Variants in ARNT2 observed in about 807,000 individuals in gnomAD.
ARNT2 encodes the protein aryl hydrocarbon receptor nuclear translocator 2.
In ARNT2, 36 loss-of-function variants were observed where a neutral mutation model predicts 91.7. The observed-to-expected ratio is 0.39, with a 90% CI of 0.30 to 0.52. The LOEUF is 0.52. Among genes scored for constraint, ARNT2 ranks in the 20% least tolerant of loss-of-function variants. ARNT2 has a pLI of 0.72. For synonymous variants in ARNT2, 365 were observed against 347.1 expected, an observed-to-expected ratio of 1.05 and a Z score of -0.57; for missense variants, 775 against 939.3, an observed-to-expected ratio of 0.83 and a Z score of 2.29.
intron 5 of ARNT2, among the ~76,000 whole-genome samples, chr15:80,501,695 G>A (rs566682171): frequency 2.6e-5 from 4 of 152,328 alleles, no homozygotes; most frequent in African/African-American, 9.6e-5. Context: ...CCGGGAGCCT[G>A]CCAGTCACTT....
chr15:80,525,322 T>A (rs1441191757), intron 8 of ARNT2, among the ~76,000 whole-genome samples: 6 of 152,200 alleles, frequency 3.9e-5, no homozygotes, highest in African/African-American at 1.4e-4. Flanking sequence ...ACAGGATACC[T>A]AGCTATGCCA....
intron 1 of ARNT2, among the ~76,000 whole-genome samples, chr15:80,407,186 G>T (rs987319197): frequency 2.6e-5 from 4 of 152,166 alleles, no homozygotes; most frequent in Non-Finnish European, 5.9e-5. Context: ...CTGCTAGTTC[G>T]TGTCCAGGGT....
intron 15 of ARNT2, among the ~76,000 whole-genome samples, chr15:80,577,961 A>C (rs950195885): frequency 2.0e-5 from 3 of 152,196 alleles, no homozygotes; most frequent in Non-Finnish European, 4.4e-5. Flanking sequence ...CTCTGTGAGC[A>C]GTCCCTAACC....
intron 3 of ARNT2, among the ~76,000 whole-genome samples, chr15:80,458,474 G>T (rs1896509484): frequency 1.3e-5 from 2 of 152,068 alleles, no homozygotes; most frequent in Non-Finnish European, 2.9e-5. Context: ...CTGGATGCAG[G>T]ATAGAAAACT....
intron 1 of ARNT2, among the ~76,000 whole-genome samples, chr15:80,447,816 A>G (rs983671589): frequency 5.4e-4 from 82 of 152,332 alleles, no homozygotes; most frequent in African/African-American, 1.9e-3. Flanking sequence ...TTTAAAGTCA[A>G]TGTTAGTCTC....
intron 1 of ARNT2, among the ~76,000 whole-genome samples, chr15:80,434,820 G>A (rs1275806549): frequency 6.6e-6 from 1 of 152,064 alleles, no homozygotes; most frequent in Non-Finnish European, 1.5e-5. Flanking sequence ...TAAAGATAAA[G>A]CCAGGAGCTC....
intron 1 of ARNT2, chr15:80,441,222 G>A: frequency 1.0e-6 from 1 of 985,328 alleles, no homozygotes; most frequent in Non-Finnish European, 1.2e-6. Flanking sequence ...CCACAGTTAA[G>A]GTAAACAGAT....
intron 8 of ARNT2, among the ~76,000 whole-genome samples, chr15:80,525,895 T>C (rs918525053): frequency 6.6e-6 from 1 of 152,136 alleles, no homozygotes; most frequent in African/African-American, 2.4e-5. Context: ...ATAACTTGGT[T>C]AGGAAGTATG....
At chr15:80,447,966 C>T (rs1228306023) in intron 1 of ARNT2, among the ~76,000 whole-genome samples, 3 of 152,150 alleles carry the variant, frequency 2.0e-5, no homozygotes, top group African/African-American at 7.2e-5. Context: ...ACAACAGAAA[C>T]AGTGTCTGTC....
chr15:80,596,551 G>T lies in ARNT2; in HGVS notation c.*2853G>T, dbSNP rs756365291. 4 of 152,134 alleles carry T rather than the reference G, an allele frequency of 2.6e-5. No individual in the cohort carries two copies. Among genetic ancestry groups the T allele is most frequent in the African/African-American group, 9.7e-5 (4 of 41,374 alleles). 9.4% of individuals were successfully genotyped at this position (152,134 alleles called of 1,614,324 possible). On this transcript the variant is annotated 3_prime_UTR_variant, in exon 19 of 19. Coordinates refer to ENST00000303329, the MANE Select transcript of ARNT2 (RefSeq NM_014862.4). ...CAAAAGAGCCTCCCATGCCAGTACC[G>T]CCCAGCCTTGGAGGCCGGAATGCTC... is the stretch of plus-strand genomic sequence containing the variant.
chr15:80,469,033 T>G (rs1249290942), intron 3 of ARNT2, among the ~76,000 whole-genome samples: 1 of 152,220 alleles, frequency 6.6e-6, no homozygotes, highest in Non-Finnish European at 1.5e-5. Flanking sequence ...GCCTGAGTTG[T>G]TTTTTTCTTG....
At chr15:80,493,065 G>T (rs1360017972) in intron 5 of ARNT2, among the ~76,000 whole-genome samples, 1 of 152,218 alleles carries the variant, frequency 6.6e-6, no homozygotes, top group Non-Finnish European at 1.5e-5. Flanking sequence ...TCTGACATCT[G>T]GCAGGGGCCC....
intron 8 of ARNT2, among the ~76,000 whole-genome samples, chr15:80,549,202 C>T (rs1052178212): frequency 6.6e-6 from 1 of 151,996 alleles, no homozygotes; most frequent in African/African-American, 2.4e-5. Flanking sequence ...AGATTAATAT[C>T]CCAAAACTCC....
chr15:80,591,658 G>A lies in ARNT2; in HGVS notation c.2009G>A (p.Gly670Asp), dbSNP rs865957087. 1 of 1,614,144 alleles carries A rather than the reference G, an allele frequency of 6.2e-7. No individual in the cohort carries two copies. The highest frequency in any genetic ancestry group is 8.5e-7 in the Non-Finnish European group (1 of 1,179,970). The stretch of plus-strand genomic sequence containing the variant: ...AGCCAGCACCATGGCCAGCAGAGCG[G>A]TGAGCAGCACTCCCACCAGCAGCCC... ...WQSQHHGQQS[G>D]EQHSHQQPGQ... The change falls in exon 18 of 19, where the codon GGT becomes GAT. Residue 670 changes from glycine (G) to aspartate (D), a missense_variant. Around this residue, in one of 5 missense-constraint regions of ARNT2, gnomAD observed 325 missense variants for 359.9 expected, o/e 0.90. Coordinates refer to ENST00000303329, the MANE Select transcript of ARNT2 (RefSeq NM_014862.4). The surrounding 1 kb of genome is among the most constrained non-coding windows in gnomAD (Gnocchi z 5.1).
intron 17 of ARNT2, among the ~76,000 whole-genome samples, chr15:80,587,281 T>TG (rs1285526676): frequency 1.3e-5 from 2 of 150,932 alleles, no homozygotes; most frequent in Non-Finnish European, 3.0e-5. Flanking sequence ...TTCTTTGTTG[T>TG]GGGGGGGCTA....
intron 11 of ARNT2, among the ~76,000 whole-genome samples, chr15:80,559,311 GCAGTCC>G (rs1269797616): frequency 6.6e-6 from 1 of 151,398 alleles, no homozygotes; most frequent in Non-Finnish European, 1.5e-5. Flanking sequence ...AGCAGTGCCG[GCAGTCC>G]CAGCCCCAGA....
chr15:80,593,835 C>A lies in ARNT2; in HGVS notation c.*137C>A. On this transcript the variant is annotated 3_prime_UTR_variant, in exon 19 of 19. Transcript: ENST00000303329. ...AGAAGCCATCTCCCCCGCTGTGTGTCCCCAGGCGCATCATTGCTCCACTCT... is the reference window on the plus strand; with the variant it reads ...AGAAGCCATCTCCCCCGCTGTGTGTACCCAGGCGCATCATTGCTCCACTCT... 3.9e-6 allele frequency: 3 copies of A among 765,494 alleles called. No individual in the cohort carries two copies. The highest frequency in any genetic ancestry group is 6.4e-6 in the Non-Finnish European group (3 of 470,978). The allele number at this position is 765,494 out of a possible 1,614,324, so 47.4% of individuals were successfully genotyped here. A position where few individuals can be genotyped will look rare whatever the true frequency, so the allele number is the denominator to read the frequency against.
chr15:80,559,060 G>C (rs1035823098), intron 11 of ARNT2, among the ~76,000 whole-genome samples: 1 of 152,124 alleles, frequency 6.6e-6, no homozygotes, highest in Non-Finnish European at 1.5e-5. Flanking sequence ...GCCTGCCCCA[G>C]GTTACAGAGC....
intron 8 of ARNT2, among the ~76,000 whole-genome samples, chr15:80,522,455 T>C (rs1405473258): frequency 6.6e-6 from 1 of 152,154 alleles, no homozygotes; most frequent in African/African-American, 2.4e-5. Flanking sequence ...CTGAGAAATG[T>C]GTCATTAGGC....
Sources: allele counts gnomAD v4.1 joint callset (sites outside exome capture counted in the v4.1 genomes callset), GRCh38; gene constraint gnomAD v4.1.1; regional missense constraint gnomAD v4.1.1; non-coding constraint Gnocchi (gnomAD v3.1); transcripts MANE v1.5; gene names NCBI Gene and HGNC (gene_info 2026-07-23, HGNC 2026-07-21).